Variants in PSMB7 observed in about 807,000 individuals in gnomAD.
The protein encoded by PSMB7 is proteasome 20S subunit beta 7.
A neutral mutation model predicts 28.1 loss-of-function variants in PSMB7; 5 were observed. The observed-to-expected ratio is 0.18, with a 90% confidence interval of 0.09 to 0.37. The LOEUF (loss-of-function observed/expected upper bound fraction) is 0.37. PSMB7 is among the 10% of genes least tolerant of loss of function. PSMB7 has a pLI of 1.00. For synonymous variants in PSMB7, 122 were observed against 123.7 expected (o/e 0.99, Z 0.09); for missense variants, 275 against 346.2 (o/e 0.79, Z 1.63).
At chr9:124,406,285 T>C (rs1410844966) in intron 4 of PSMB7, among the ~76,000 whole-genome samples, 2 of 151,898 alleles carry the variant, frequency 1.3e-5, no homozygotes, top group Non-Finnish European at 2.9e-5. Flanking sequence ...GGCAAATCAC[T>C]TGAGTCCAGG....
Position 124,356,828 on chromosome 9 carries a change from C to T in PSMB7, c.658G>A (p.Val220Ile), listed in dbSNP as rs369427242. ...AAATCCAGCTTGTTCTTGCTGATGACGCAGAGGTCAATGTTGCTTCCGGAG... is the reference window on the plus strand; with the variant it reads ...AAATCCAGCTTGTTCTTGCTGATGATGCAGAGGTCAATGTTGCTTCCGGAG... ...LGSGSNIDLC[V>I]ISKNKLDFLR... Residue 220 changes from valine (V) to isoleucine (I), a missense_variant, in exon 7 of 8, where the codon GTC (valine) becomes ATC (isoleucine). Physicochemically the swap from Val to Ile is conservative, Grantham distance 29. This residue lies in a region of PSMB7 where 213 missense variants were observed against 302.4 expected (regional missense o/e 0.70). Transcript: ENST00000259457. The surrounding 1 kb of genome is among the most constrained non-coding windows in gnomAD (Gnocchi z 4.4). 2.1e-5 allele frequency: 34 copies of T among 1,614,138 alleles called. No homozygotes were observed. Among genetic ancestry groups the T allele is most frequent in the Non-Finnish European group, 2.3e-5 (27 of 1,180,016 alleles).
At chr9:124,386,629 C>A (rs1830722920) in intron 5 of PSMB7, among the ~76,000 whole-genome samples, 1 of 152,120 alleles carries the variant, frequency 6.6e-6, no homozygotes, top group Non-Finnish European at 1.5e-5. Context: ...ACGAAGAACA[C>A]AAGGGTAATC....
intron 5 of PSMB7, among the ~76,000 whole-genome samples, chr9:124,395,597 C>T (rs1434358869): frequency 6.6e-6 from 1 of 152,154 alleles, no homozygotes; most frequent in Non-Finnish European, 1.5e-5. Context: ...CAAAAAATGG[C>T]CAAAAGCAAC....
In PSMB7 at chr9:124,353,557, A is replaced by G. The variant is rs1803377; in HGVS notation, c.*41T>C. 2 of 1,409,386 alleles carry G rather than the reference A, an allele frequency of 1.4e-6. No homozygotes were observed. Among genetic ancestry groups the G allele is most frequent in the Non-Finnish European group, 1.0e-6 (1 of 994,936 alleles). 87.3% of individuals were successfully genotyped at this position (1,409,386 alleles called of 1,614,324 possible). A position where few individuals can be genotyped will look rare whatever the true frequency, so the allele number is the denominator to read the frequency against. On this transcript the variant is annotated 3_prime_UTR_variant, in exon 8 of 8. Coordinates refer to ENST00000259457, the MANE Select transcript of PSMB7 (RefSeq NM_002799.4). ...AGTGTCTTACTGGGCCTCAATGCTC[A>G]CCACCTTCCAGAACCGCGGCCAGCC... is the stretch of plus-strand genomic sequence containing the variant.
At chr9:124,386,534 G>A (rs1412685962) in intron 5 of PSMB7, among the ~76,000 whole-genome samples, 1 of 152,150 alleles carries the variant, frequency 6.6e-6, no homozygotes, top group Non-Finnish European at 1.5e-5. Context: ...AGAATCTCAG[G>A]AAAAAATACT....
intron 6 of PSMB7, among the ~76,000 whole-genome samples, chr9:124,375,706 G>A (rs533855468): frequency 2.0e-5 from 3 of 152,170 alleles, no homozygotes; most frequent in East Asian, 1.9e-4. Flanking sequence ...AATAGTTATC[G>A]AAGGTCGAGG....
At chr9:124,391,928 C>G (rs1830792154) in intron 5 of PSMB7, among the ~76,000 whole-genome samples, 1 of 152,212 alleles carries the variant, frequency 6.6e-6, no homozygotes, top group African/African-American at 2.4e-5. Context: ...CAGTAAAAGA[C>G]TGAAATAATT....
At chr9:124,371,908 T>C (rs1029382289) in intron 6 of PSMB7, among the ~76,000 whole-genome samples, 18 of 152,232 alleles carry the variant, frequency 1.2e-4, no homozygotes, top group African/African-American at 4.1e-4. Context: ...TTGCCACAGG[T>C]GCCAGCAGAC....
At chr9:124,378,466 A>C (rs190481583) in intron 6 of PSMB7, among the ~76,000 whole-genome samples, 27 of 152,292 alleles carry the variant, frequency 1.8e-4, no homozygotes, top group Non-Finnish European at 2.6e-4. Flanking sequence ...CTAATTTGCA[A>C]GTCGATACCA....
In PSMB7 at chr9:124,405,455, G is replaced by GA. The variant is rs747341041; in HGVS notation, c.396-24dup. 109 of 1,490,396 alleles carry GA rather than the reference G, an allele frequency of 7.3e-5. 1 individual carries two copies. The highest frequency in any genetic ancestry group is 3.4e-4 in the Middle Eastern group (2 of 5,812). The allele number at this position is 1,490,396 out of a possible 1,614,324, so 92.3% of individuals were successfully genotyped here. On this transcript the variant is annotated intron_variant, in intron 4 of 7. Transcript: ENST00000259457. ...TACCTGGTGATCAGAGTATGCATAA[G>GA]AAAAAAAACATGAGTCCACAAAGCA... is the stretch of plus-strand genomic sequence containing the variant.
At chr9:124,357,005 A>G in intron 6 of PSMB7, 90 bp from the exon 7 acceptor site, 4 of 1,396,696 alleles carry the variant, frequency 2.9e-6, no homozygotes, top group Non-Finnish European at 4.0e-6. Flanking sequence ...AGTGCGCAAG[A>G]CCTCCCGCGA....
chr9:124,390,699 T>C (rs565730525), intron 5 of PSMB7, among the ~76,000 whole-genome samples: 2 of 152,230 alleles, frequency 1.3e-5, no homozygotes, highest in Non-Finnish European at 2.9e-5. Flanking sequence ...TTTTTACTTG[T>C]ATTTTTAAAT....
intron 6 of PSMB7, among the ~76,000 whole-genome samples, chr9:124,375,923 G>C (rs369450702): frequency 6.6e-6 from 1 of 152,174 alleles, no homozygotes; most frequent in Non-Finnish European, 1.5e-5. Context: ...GGTGGGATTA[G>C]CCAGCAGCTT....
chr9:124,368,479 C>T (rs1830530036), intron 6 of PSMB7, among the ~76,000 whole-genome samples: 1 of 152,200 alleles, frequency 6.6e-6, no homozygotes, highest in African/African-American at 2.4e-5. Flanking sequence ...ATCTAGTCAT[C>T]GAATCCCACG....
At chr9:124,353,925 T>G (rs1205399485) in intron 7 of PSMB7, among the ~76,000 whole-genome samples, 1 of 152,138 alleles carries the variant, frequency 6.6e-6, no homozygotes, top group African/African-American at 2.4e-5. Context: ...GTGTCATTAG[T>G]GAACACGGCA....
intron 5 of PSMB7, among the ~76,000 whole-genome samples, chr9:124,393,208 G>A (rs1219147192): frequency 1.3e-5 from 2 of 152,182 alleles, no homozygotes; most frequent in East Asian, 3.8e-4. Context: ...GAGCAGTGGA[G>A]CACCTCTCAC....
intron 6 of PSMB7, among the ~76,000 whole-genome samples, chr9:124,357,900 AG>A (rs1447352649): frequency 1.3e-5 from 2 of 152,194 alleles, no homozygotes; most frequent in African/African-American, 4.8e-5. Context: ...GGAGGGCTGA[AG>A]GACAGGCTGC....
intron 6 of PSMB7, among the ~76,000 whole-genome samples, chr9:124,370,009 A>T (rs1486806932): frequency 6.6e-6 from 1 of 152,168 alleles, no homozygotes; most frequent in Non-Finnish European, 1.5e-5. Context: ...AACCAGGCAC[A>T]GGCCTGATCA....
intron 6 of PSMB7, among the ~76,000 whole-genome samples, chr9:124,363,268 G>T (rs1830479136): frequency 6.6e-6 from 1 of 152,198 alleles, no homozygotes. Context: ...AGAGGAGGAG[G>T]TCTGAACACG....
Sources: gnomAD v4.1 joint callset for allele counts (sites outside exome capture counted in the v4.1 genomes callset) on GRCh38, gnomAD v4.1.1 for gene constraint, gnomAD v4.1.1 regional missense constraint, Gnocchi (gnomAD v3.1) non-coding constraint, MANE v1.5 for transcripts, NCBI Gene and HGNC (gene_info 2026-07-23, HGNC 2026-07-21) for gene names.